The following INSC variants were observed in gnomAD, a reference collection of about 807,000 sequenced individuals.
The protein encoded by INSC is INSC spindle orientation adaptor protein, also known as protein inscuteable homolog.
INSC carries 67 observed loss-of-function variants against 58.6 expected under a neutral mutation model. The ratio of observed to expected loss-of-function variants is 1.14; its 90% CI spans 0.94 to 1.40. INSC has a LOEUF of 1.40. Ranked by LOEUF, INSC falls within the 40% of genes most tolerant of loss-of-function variation. The pLI is 0.00. For synonymous variants in INSC, 262 were observed against 276.1 expected (o/e 0.95, Z 0.51); for missense variants, 714 against 692.0 (o/e 1.03, Z -0.36).
chr11:15,230,832 C>T (rs1255231408), intron 9 of INSC, among the ~76,000 whole-genome samples: 1 of 152,212 alleles, frequency 6.6e-6, no homozygotes, highest in East Asian at 1.9e-4. Context: ...GACCTACATC[C>T]AAAACAGTTC....
intron 8 of INSC, among the ~76,000 whole-genome samples, chr11:15,225,392 C>A (rs1288046368): frequency 6.6e-6 from 1 of 152,150 alleles, no homozygotes; most frequent in East Asian, 1.9e-4. Flanking sequence ...ACCCCAGTGG[C>A]ACCTGACACA....
chr11:15,219,821 G>A (rs1346189190), intron 7 of INSC, among the ~76,000 whole-genome samples: 1 of 152,218 alleles, frequency 6.6e-6, no homozygotes, highest in African/African-American at 2.4e-5. Flanking sequence ...GCCAGATGGA[G>A]TAAGAGGTTT....
At chr11:15,118,482 A>C (rs1032036049) in intron 1 of INSC, among the ~76,000 whole-genome samples, 1 of 152,188 alleles carries the variant, frequency 6.6e-6, no homozygotes, top group Non-Finnish European at 1.5e-5. Context: ...CCTGCTTCTC[A>C]TTATATCTTA....
In INSC at chr11:15,170,932, C is replaced by G. The variant is rs569801009; in HGVS notation, c.57-4809C>G. ...TGAAGAAATCAATAGTTCTGTCACT[C>G]CAATTCTCCTACTAGCAGAGTGCTG... is the stretch of plus-strand genomic sequence containing the variant. On this transcript the variant is annotated intron_variant, in intron 2 of 12. Transcript: ENST00000379556. Among the ~76,000 whole-genome samples the G allele has an allele frequency of 1.6e-3, 245 of 152,204 alleles. 2 individuals are homozygous for G. The highest frequency in any genetic ancestry group is 2.1e-3 in the Non-Finnish European group (143 of 68,034).
At chr11:15,253,925 C>T in the INSC span, among the ~76,000 whole-genome samples, 4 of 152,028 alleles carry the variant, frequency 2.6e-5, no homozygotes, top group African/African-American at 4.8e-5. Flanking sequence ...ATAACAGGGA[C>T]CCTGAGGCAA....
At chr11:15,210,427 G>A (rs1027880440) in intron 7 of INSC, among the ~76,000 whole-genome samples, 9 of 95,580 alleles carry the variant, frequency 9.4e-5, no homozygotes, top group Admixed American at 2.2e-4. Flanking sequence ...TGTGTTGAGT[G>A]GGTGGTGTTC....
chr11:15,136,960 A>G (rs1848258796), intron 1 of INSC, among the ~76,000 whole-genome samples: 1 of 152,210 alleles, frequency 6.6e-6, no homozygotes, highest in South Asian at 2.1e-4. Flanking sequence ...TATGGCAGCT[A>G]CAGCCTTACA....
At chr11:15,178,203 C>A in intron 4 of INSC, 121 bp from the exon 5 acceptor site, 1 of 1,312,682 alleles carries the variant, frequency 7.6e-7, no homozygotes, top group Non-Finnish European at 1.0e-6. Flanking sequence ...CTCTGACTCC[C>A]AGTTGCCAAT....
chr11:15,204,842 T>G (rs771946019), intron 7 of INSC, among the ~76,000 whole-genome samples: 15 of 152,204 alleles, frequency 9.9e-5, no homozygotes, highest in Admixed American at 2.0e-4. Context: ...TTTGGTGAAA[T>G]TCGTCTCTGT....
the INSC span, among the ~76,000 whole-genome samples, chr11:15,263,018 CAGAT>C: frequency 6.6e-6 from 1 of 151,766 alleles, no homozygotes; most frequent in Non-Finnish European, 1.5e-5. Flanking sequence ...TAAAAATGAC[CAGAT>C]AGATTTAAAA....
At chr11:15,216,866 C>T (rs1157079095) in intron 7 of INSC, among the ~76,000 whole-genome samples, 1 of 152,084 alleles carries the variant, frequency 6.6e-6, no homozygotes, top group Non-Finnish European at 1.5e-5. Context: ...CTAGGAGCCA[C>T]CAGGTGGGGA....
intron 2 of INSC, among the ~76,000 whole-genome samples, chr11:15,150,476 C>T (rs777457393): frequency 1.3e-5 from 2 of 152,200 alleles, no homozygotes; most frequent in Non-Finnish European, 2.9e-5. Flanking sequence ...TTTTGCAGTG[C>T]CATTGTTCAC....
At position 15,232,793 on chromosome 11, in the gene INSC, G is replaced by A. The variant is rs946842309; in HGVS notation, c.1171-2809G>A. On this transcript the variant is annotated intron_variant, in intron 9 of 12. Coordinates refer to ENST00000379556, the MANE Select transcript of INSC (RefSeq NM_001042536.3). ...CAGAGACTCAAACGTGATTAAGGAAGCAAAGGTCAGAAGGATATACTCCCC... is the reference window on the plus strand; with the variant it reads ...CAGAGACTCAAACGTGATTAAGGAAACAAAGGTCAGAAGGATATACTCCCC... 7.9e-5 allele frequency among the ~76,000 whole-genome samples: 12 copies of A among 152,296 alleles called. No individual in the cohort carries two copies. In the East Asian group the frequency reaches 2.3e-3, roughly 29 times the overall value.
Position 15,191,496 on chromosome 11 carries a change from T to A in INSC, c.693+682T>A, listed in dbSNP as rs75801225. On this transcript the variant is annotated intron_variant, in intron 6 of 12. Transcript: ENST00000379556. ...TGATGTAGTGAATAAAGAGACCATC[T>A]GGCATGTGGCATTTTGGGTGATCGA... 5.2e-3 allele frequency among the ~76,000 whole-genome samples: 791 copies of A among 152,330 alleles called. 7 individuals carry two copies. The highest frequency in any genetic ancestry group is 0.018 in the African/African-American group (740 of 41,568).
chr11:15,160,809 A>G (rs1848991904), intron 2 of INSC, among the ~76,000 whole-genome samples: 2 of 152,186 alleles, frequency 1.3e-5, no homozygotes, highest in Admixed American at 6.5e-5. Context: ...CCGAAATAAC[A>G]ACAAGTTCCA....
At chr11:15,208,595 C>A (rs1003048898) in intron 7 of INSC, among the ~76,000 whole-genome samples, 12 of 152,228 alleles carry the variant, frequency 7.9e-5, no homozygotes, top group Non-Finnish European at 1.5e-5. Context: ...TGCCCTCTCC[C>A]CTTCTAACAA....
intron 7 of INSC, among the ~76,000 whole-genome samples, chr11:15,201,451 C>T (rs1259495589): frequency 1.3e-5 from 2 of 152,188 alleles, no homozygotes; most frequent in Non-Finnish European, 2.9e-5. Context: ...AGTCCAAGTG[C>T]TCACTGGGCC....
At chr11:15,210,325 G>A (rs1247425146) in intron 7 of INSC, among the ~76,000 whole-genome samples, 1 of 140,154 alleles carries the variant, frequency 7.1e-6, no homozygotes, top group Non-Finnish European at 1.5e-5. Flanking sequence ...GAGATGTAAT[G>A]TGATGAACAA....
At chr11:15,178,523 C>G (rs2133830296) in intron 5 of INSC, 76 bp downstream of exon 5, 5 of 1,535,344 alleles carry the variant, frequency 3.3e-6, no homozygotes, top group Middle Eastern at 4.6e-4. Flanking sequence ...GGGGCTGAGC[C>G]AGGCTTGGGG....
Sources: allele counts gnomAD v4.1 joint callset (sites outside exome capture counted in the v4.1 genomes callset), GRCh38; gene constraint gnomAD v4.1.1; transcripts MANE v1.5; gene names NCBI Gene and HGNC (gene_info 2026-07-23, HGNC 2026-07-21).